CNTN4: variants seen among roughly 807,000 people sequenced by gnomAD.
The protein encoded by CNTN4 is contactin 4, also known as contactin-4.
A neutral mutation model predicts 122.5 loss-of-function variants in CNTN4; 77 were observed. The observed-to-expected ratio is 0.63, with a 90% CI of 0.52 to 0.76. CNTN4 has a LOEUF of 0.76. CNTN4 is among the 30% of genes least tolerant of loss of function. The probability of loss-of-function intolerance (pLI) is 0.00; values close to 1 mark genes in which losing one functional copy is unlikely to be tolerated. For missense variants in CNTN4, 1,256 were observed against 1,259.1 expected, an observed-to-expected ratio of 1.00 and a Z score of 0.04; for synonymous variants, 512 against 447.0, an observed-to-expected ratio of 1.15 and a Z score of -1.83.
chr3:2,911,188 C>T (rs2094295372), intron 12 of CNTN4, among the ~76,000 whole-genome samples: 1 of 127,602 alleles, frequency 7.8e-6, no homozygotes, highest in African/African-American at 3.0e-5. Flanking sequence ...GGGAGGCCCC[C>T]TGAGAACAAA....
At position 2,873,631 on chromosome 3, in the gene CNTN4, A is replaced by C. The variant is rs112989832; in HGVS notation, c.652+6682A>C. Among the ~76,000 whole-genome samples the C allele has an allele frequency of 1.0e-3, 154 of 152,288 alleles. 2 individuals carry two copies. The highest frequency in any genetic ancestry group is 3.5e-3 in the African/African-American group (146 of 41,548). On this transcript the variant is annotated intron_variant, in intron 8 of 24. Coordinates refer to ENST00000418658, the MANE Select transcript of CNTN4 (RefSeq NM_175607.3). Reference sequence around the variant, plus strand: ...CAACTGGTCACTGTAAACTTTCCTAATACTGCTCCATGCTACATTAGATCC... The same window carrying C: ...CAACTGGTCACTGTAAACTTTCCTACTACTGCTCCATGCTACATTAGATCC...
intron 7 of CNTN4, among the ~76,000 whole-genome samples, chr3:2,852,316 T>A (rs977033500): frequency 6.6e-6 from 1 of 152,090 alleles, no homozygotes; most frequent in African/African-American, 2.4e-5. Flanking sequence ...TAAATGGAAA[T>A]AACTTTAGGA....
intron 4 of CNTN4, among the ~76,000 whole-genome samples, chr3:2,719,701 G>A (rs1002007187): frequency 1.3e-5 from 2 of 152,060 alleles, no homozygotes; most frequent in African/African-American, 4.8e-5. Context: ...TAGGATTACA[G>A]GCGTGAGCCA....
intron 8 of CNTN4, among the ~76,000 whole-genome samples, chr3:2,880,498 T>A (rs1339463522): frequency 6.6e-6 from 1 of 152,222 alleles, no homozygotes; most frequent in African/African-American, 2.4e-5. Flanking sequence ...ACGGGCTGTT[T>A]GTTAGCAAGT....
intron 3 of CNTN4, among the ~76,000 whole-genome samples, chr3:2,388,256 G>T (rs1179636890): frequency 6.6e-6 from 1 of 152,106 alleles, no homozygotes; most frequent in East Asian, 1.9e-4. Flanking sequence ...CTAAATACAT[G>T]TTAAATCTGT....
chr3:2,937,021 C>T (rs143892323), intron 13 of CNTN4, among the ~76,000 whole-genome samples: 3 of 152,280 alleles, frequency 2.0e-5, no homozygotes, highest in African/African-American at 7.2e-5. Context: ...TGGCTCTTTA[C>T]AGAAAAAGTT....
At chr3:2,428,234 G>A (rs1300617287) in intron 3 of CNTN4, among the ~76,000 whole-genome samples, 1 of 152,158 alleles carries the variant, frequency 6.6e-6, no homozygotes, top group Non-Finnish European at 1.5e-5. Context: ...CATGTTTAGT[G>A]CTTTCTTCAG....
At chr3:2,905,569 C>T (rs1264159569) in intron 12 of CNTN4, among the ~76,000 whole-genome samples, 2 of 152,280 alleles carry the variant, frequency 1.3e-5, no homozygotes, top group East Asian at 1.9e-4. Context: ...ATCACCTTAG[C>T]GGTTAGGATT....
At chr3:2,178,330 A>G (rs1379361261) in intron 2 of CNTN4, among the ~76,000 whole-genome samples, 1 of 152,094 alleles carries the variant, frequency 6.6e-6, no homozygotes, top group Non-Finnish European at 1.5e-5. Context: ...AGAATTATAG[A>G]AACGTTCTGG....
At chr3:3,034,974 G>T (rs960838877) in intron 17 of CNTN4, among the ~76,000 whole-genome samples, 184 bp downstream of exon 17, 2 of 152,014 alleles carry the variant, frequency 1.3e-5, no homozygotes, top group Non-Finnish European at 2.9e-5. Context: ...ATCACAGTTG[G>T]GTTTTTTTAA....
At chr3:2,468,062 C>T (rs1246917516) in intron 3 of CNTN4, among the ~76,000 whole-genome samples, 1 of 152,164 alleles carries the variant, frequency 6.6e-6, no homozygotes, top group Non-Finnish European at 1.5e-5. Context: ...GACCATGCTG[C>T]TCCTAGTGAA....
intron 3 of CNTN4, among the ~76,000 whole-genome samples, chr3:2,461,307 TTTTA>T (rs1201672201): frequency 6.6e-6 from 1 of 152,198 alleles, no homozygotes; most frequent in Non-Finnish European, 1.5e-5. Flanking sequence ...TCTTCTTCCC[TTTTA>T]TTTATGGAAG....
intron 3 of CNTN4, among the ~76,000 whole-genome samples, chr3:2,394,882 G>C (rs2046585132): frequency 6.7e-6 from 1 of 148,732 alleles, no homozygotes; most frequent in Non-Finnish European, 1.5e-5. Flanking sequence ...TGCCTCCTGG[G>C]TTCAAGTGAT....
At chr3:2,405,223 G>A (rs777707187) in intron 3 of CNTN4, among the ~76,000 whole-genome samples, 8 of 152,114 alleles carry the variant, frequency 5.3e-5, no homozygotes, top group Non-Finnish European at 7.4e-5. Context: ...CTAGCTCTTG[G>A]TCAGTATGGT....
intron 13 of CNTN4, among the ~76,000 whole-genome samples, chr3:2,983,213 C>CAAAAAAAAAAAAAAAA (rs57079892): frequency 5.3e-5 from 1 of 19,016 alleles, no homozygotes; most frequent in Non-Finnish European, 1.0e-4. Flanking sequence ...GACTCCATCT[C>CAAAAAAAAAAAAAAAA]AAAAAAAAAA....
intron 11 of CNTN4, among the ~76,000 whole-genome samples, chr3:2,901,601 C>A (rs1460303562): frequency 2.0e-5 from 3 of 152,156 alleles, no homozygotes; most frequent in African/African-American, 7.2e-5. Context: ...TGGTATTTTC[C>A]TTCTTTTGTG....
At chr3:3,050,418 G>T (rs1701139663) in intron 23 of CNTN4, among the ~76,000 whole-genome samples, 1 of 152,094 alleles carries the variant, frequency 6.6e-6, no homozygotes, top group Non-Finnish European at 1.5e-5. Context: ...GAGAGGGAAA[G>T]CAATTTGCCC....
chr3:2,559,290 A>G (rs1559234522), intron 3 of CNTN4, among the ~76,000 whole-genome samples: 1 of 152,188 alleles, frequency 6.6e-6, no homozygotes, highest in African/African-American at 2.4e-5. Flanking sequence ...CAAACTTCGC[A>G]AAGTGATTTA....
chr3:2,377,087 C>T (rs182372908), intron 3 of CNTN4, among the ~76,000 whole-genome samples: 1 of 149,848 alleles, frequency 6.7e-6, no homozygotes, highest in African/African-American at 2.5e-5. Flanking sequence ...ACCCGGGAGG[C>T]AGAGGTTGCA....
Sources: allele counts gnomAD v4.1 joint callset (sites outside exome capture counted in the v4.1 genomes callset), GRCh38; gene constraint gnomAD v4.1.1; transcripts MANE v1.5; gene names NCBI Gene and HGNC (gene_info 2026-07-23, HGNC 2026-07-21).